Variants in RAD54L2 observed in about 807,000 individuals in gnomAD.
The protein encoded by RAD54L2 is RAD54 like 2, also known as helicase ARIP4.
RAD54L2 carries 27 observed loss-of-function variants against 138.4 expected under a neutral mutation model. That is an observed-to-expected ratio of 0.20 (90% CI 0.14 to 0.27). The LOEUF (loss-of-function observed/expected upper bound fraction) is 0.27, where lower values mean the gene tolerates loss of function less well. RAD54L2 is among the 10% of genes least tolerant of loss of function. The probability of loss-of-function intolerance (pLI) is 1.00; values close to 1 mark genes in which losing one functional copy is unlikely to be tolerated. For missense variants in RAD54L2, 1,396 were observed against 1,890.2 expected (o/e 0.74, Z 4.85); for synonymous variants, 644 against 723.2 (o/e 0.89, Z 1.76).
At position 51,599,582 on chromosome 3, in the gene RAD54L2, A is replaced by G. The variant is rs553572910; in HGVS notation, c.139+9023A>G. Among the ~76,000 whole-genome samples, 10 of 151,924 alleles carry G rather than the reference A, an allele frequency of 6.6e-5. No individual in the cohort carries two copies. The South Asian group carries it at 1.9e-3, about 28-fold the overall frequency. ...TTTCTTTTTTTTGGGACAGAGTCTC[A>G]TGCTCTGTCACCCAGGCTGGAGTGC... On this transcript the variant is annotated intron_variant, in intron 3 of 22. Transcript: ENST00000684192.
chr3:51,656,473 G>A (rs1701603829), intron 20 of RAD54L2, among the ~76,000 whole-genome samples: 1 of 152,168 alleles, frequency 6.6e-6, no homozygotes, highest in East Asian at 1.9e-4. Context: ...TTATAGAGGT[G>A]TGAATATGCT....
Position 51,638,074 on chromosome 3 carries a change from C to T in RAD54L2, c.1683-70C>T, listed in dbSNP as rs1396068290. ...AGGTGTGGCAGGAGTGCAAAAGGCT[C>T]TGTTTTTATCTTGTGCTGACCCCTC... is the stretch of plus-strand genomic sequence containing the variant. On this transcript the variant is annotated intron_variant, in intron 11 of 22. Coordinates refer to ENST00000684192, the MANE Select transcript of RAD54L2 (RefSeq NM_015106.4). The surrounding 1 kb of genome is among the most constrained non-coding windows in gnomAD (Gnocchi z 4.3). 2.1e-6 allele frequency: 3 copies of T among 1,462,184 alleles called. No individual in the cohort carries two copies. The highest frequency in any genetic ancestry group is 2.8e-6 in the Non-Finnish European group (3 of 1,062,118). 90.6% of individuals were successfully genotyped at this position (1,462,184 alleles called of 1,614,324 possible).
rs117893071 is a variant in RAD54L2, at chr3:51,595,013, C to T, written c.139+4454C>T. 2.7e-3 allele frequency among the ~76,000 whole-genome samples: 406 copies of T among 151,686 alleles called. 9 individuals are homozygous for T. In the East Asian group the frequency reaches 0.068, roughly 25 times the overall value. ...CTGAGTAGCTGGGACTACAGGCACGCGCCACCACATCCTGCTGATTTTTTG... is the reference window on the plus strand; with the variant it reads ...CTGAGTAGCTGGGACTACAGGCACGTGCCACCACATCCTGCTGATTTTTTG... On this transcript the variant is annotated intron_variant, in intron 3 of 22. Coordinates refer to ENST00000684192, the MANE Select transcript of RAD54L2 (RefSeq NM_015106.4).
At chr3:51,648,499 G>T (rs1485841863) in intron 19 of RAD54L2, among the ~76,000 whole-genome samples, 1 of 152,240 alleles carries the variant, frequency 6.6e-6, no homozygotes, top group Non-Finnish European at 1.5e-5. Flanking sequence ...GCCTCCTCAA[G>T]TGGGTCCCTG....
intron 2 of RAD54L2, among the ~76,000 whole-genome samples, chr3:51,544,811 G>A (rs535463720): frequency 6.6e-6 from 1 of 152,248 alleles, no homozygotes; most frequent in South Asian, 2.1e-4. Context: ...ATGTTGGCCA[G>A]GCTGGTCTTG....
At chr3:51,568,755 G>T (rs766320054) in intron 2 of RAD54L2, among the ~76,000 whole-genome samples, 11 of 152,140 alleles carry the variant, frequency 7.2e-5, no homozygotes, top group Non-Finnish European at 1.5e-4. Context: ...TTCAGGGCAG[G>T]ATGTGTAATT....
intron 2 of RAD54L2, among the ~76,000 whole-genome samples, chr3:51,567,941 C>CA (rs763939768): frequency 0.047 from 3,852 of 81,308 alleles, 123 homozygotes; most frequent in African/African-American, 0.092. Context: ...GACCCTGTCT[C>CA]AAAAAAAAAA....
At chr3:51,567,716 T>C (rs1375005104) in intron 2 of RAD54L2, among the ~76,000 whole-genome samples, 1 of 152,130 alleles carries the variant, frequency 6.6e-6, no homozygotes, top group Non-Finnish European at 1.5e-5. Flanking sequence ...CTTTTAATTT[T>C]AATATTTTAT....
intron 2 of RAD54L2, among the ~76,000 whole-genome samples, chr3:51,566,697 G>A (rs1577392594): frequency 1.3e-5 from 2 of 151,774 alleles, no homozygotes; most frequent in South Asian, 2.1e-4. Flanking sequence ...TTCCTCGTGC[G>A]TTTGTACATT....
chr3:51,618,939 A>G (rs558405200), intron 3 of RAD54L2, among the ~76,000 whole-genome samples: 6 of 152,156 alleles, frequency 3.9e-5, no homozygotes, highest in Non-Finnish European at 7.4e-5. Context: ...GCTGTGGGAT[A>G]ATATTCTAAG....
At chr3:51,587,353 C>T (rs1203405452) in intron 2 of RAD54L2, among the ~76,000 whole-genome samples, 2 of 152,114 alleles carry the variant, frequency 1.3e-5, no homozygotes, top group African/African-American at 2.4e-5. Context: ...CCGCCTGCCT[C>T]GGCCTCCCAA....
intron 3 of RAD54L2, among the ~76,000 whole-genome samples, chr3:51,593,198 G>A (rs1255776002): frequency 1.3e-5 from 2 of 152,052 alleles, no homozygotes; most frequent in Non-Finnish European, 2.9e-5. Context: ...GATAGAGGCT[G>A]AGGATGCTAT....
intron 3 of RAD54L2, among the ~76,000 whole-genome samples, chr3:51,614,135 G>A (rs192373876): frequency 1.3e-5 from 2 of 152,046 alleles, no homozygotes; most frequent in Non-Finnish European, 2.9e-5. Flanking sequence ...GGGAAGGCTG[G>A]CCATTTCATT....
intron 3 of RAD54L2, among the ~76,000 whole-genome samples, chr3:51,592,266 T>A (rs1218588395): frequency 6.6e-6 from 1 of 151,998 alleles, no homozygotes; most frequent in Non-Finnish European, 1.5e-5. Context: ...TTTCTCTATG[T>A]TGGTTAGGCT....
intron 3 of RAD54L2, among the ~76,000 whole-genome samples, chr3:51,605,368 T>C (rs1360888104): frequency 1.3e-5 from 2 of 150,442 alleles, no homozygotes; most frequent in Admixed American, 6.7e-5. Flanking sequence ...AGATTACAAC[T>C]GTGAGCCACT....
At chr3:51,636,952 T>G (rs1276866906) in intron 10 of RAD54L2, 2 of 574,708 alleles carry the variant, frequency 3.5e-6, no homozygotes, top group Non-Finnish European at 6.2e-6. Flanking sequence ...AAAAAAAGAG[T>G]CAACTGCCAG....
intron 3 of RAD54L2, among the ~76,000 whole-genome samples, chr3:51,591,674 A>G (rs533417331): frequency 2.8e-4 from 43 of 152,316 alleles, no homozygotes; most frequent in Admixed American, 1.0e-3. Flanking sequence ...TCTAGAAAGT[A>G]GAATGAATAG....
intron 2 of RAD54L2, among the ~76,000 whole-genome samples, chr3:51,589,523 C>T (rs553570943): frequency 1.3e-5 from 2 of 152,316 alleles, no homozygotes; most frequent in South Asian, 4.1e-4. Context: ...TGGCTCATTG[C>T]TGTTACTCAG....
rs993394499 is a variant in RAD54L2 at position 51,641,667 on chromosome 3, A to T, written c.2232-82A>T. On this transcript the variant is annotated intron_variant, in intron 14 of 22. Transcript: ENST00000684192. The stretch of plus-strand genomic sequence containing the variant: ...GTTGTGGGAGCTCCCATTGTCAGAA[A>T]GTTGCACAAGAGTATGGACCTATTG... 21 of 895,714 alleles carry T rather than the reference A, an allele frequency of 2.3e-5. No individual in the cohort carries two copies. In the Middle Eastern group the frequency reaches 9.9e-4, roughly 42 times the overall value. 55.5% of individuals were successfully genotyped at this position (895,714 alleles called of 1,614,324 possible). A position where few individuals can be genotyped will look rare whatever the true frequency, so the allele number is the denominator to read the frequency against.
Sources: allele counts gnomAD v4.1 joint callset (sites outside exome capture counted in the v4.1 genomes callset), GRCh38; gene constraint gnomAD v4.1.1; non-coding constraint Gnocchi (gnomAD v3.1); transcripts MANE v1.5; gene names NCBI Gene and HGNC (gene_info 2026-07-23, HGNC 2026-07-21).